The following TRIM34 variants were observed in gnomAD, a reference collection of about 807,000 sequenced individuals.
The protein encoded by TRIM34 is tripartite motif containing 34, also known as E3 ubiquitin-protein ligase TRIM34.
Under a neutral mutation model 38.1 loss-of-function variants are expected in TRIM34, and 41 were observed. That is an observed-to-expected ratio of 1.08 (90% CI 0.84 to 1.40). TRIM34 has a LOEUF of 1.40. TRIM34 is among the 40% of genes most tolerant of loss of function. The pLI is 0.00. For synonymous variants in TRIM34, 200 were observed against 202.5 expected, an observed-to-expected ratio of 0.99 and a Z score of 0.10; for missense variants, 556 against 571.4, an observed-to-expected ratio of 0.97 and a Z score of 0.27.
chr11:5,643,445 G>A lies in TRIM34; in HGVS notation c.1203G>A (p.Gly401=). The A allele has an allele frequency of 6.2e-7, 1 of 1,614,166 alleles. No individual in the cohort carries two copies. Among genetic ancestry groups the A allele is most frequent in the Non-Finnish European group, 8.5e-7 (1 of 1,180,024 alleles). The change falls in exon 8 of 8, where the codon GGG becomes GGA. Residue 401 remains glycine, a synonymous_variant. Coordinates refer to ENST00000429814, the MANE Select transcript of TRIM34 (RefSeq NM_021616.6). ...CTCTATTTGGCTACTGGGTTATAGG[G>A]TTACAGAATAAATGTAAGTATGGTG... is the stretch of plus-strand genomic sequence containing the variant. ...YRPLFGYWVI[G]LQNKCKYGVF... is the part of the protein sequence containing the mutation.
At chr11:5,635,837 G>A (rs965388347) in intron 4 of TRIM34, among the ~76,000 whole-genome samples, 13 of 151,934 alleles carry the variant, frequency 8.6e-5, no homozygotes, top group Non-Finnish European at 1.5e-4. Flanking sequence ...GTTCCTAAAC[G>A]TATTTTACAC....
At chr11:5,639,190 A>C (rs1849875885) in intron 4 of TRIM34, among the ~76,000 whole-genome samples, 1 of 152,182 alleles carries the variant, frequency 6.6e-6, no homozygotes, top group Non-Finnish European at 1.5e-5. Context: ...GTACTCACTC[A>C]GGCACCAGCT....
chr11:5,631,394 A>C (rs1849475809), intron 1 of TRIM34, among the ~76,000 whole-genome samples: 1 of 152,226 alleles, frequency 6.6e-6, no homozygotes, highest in African/African-American at 2.4e-5. Context: ...TGTTCACTCC[A>C]ATTCTACCAT....
upstream of TRIM34, among the ~76,000 whole-genome samples, chr11:5,621,687 G>A (rs144408118): frequency 2.8e-4 from 43 of 152,280 alleles, no homozygotes; most frequent in African/African-American, 1.0e-3. Context: ...GAACTGCTTA[G>A]GGCAAACCTG....
chr11:5,628,355 T>C (rs1454333201), intron 1 of TRIM34, among the ~76,000 whole-genome samples: 3 of 152,198 alleles, frequency 2.0e-5, no homozygotes, highest in African/African-American at 7.2e-5. Flanking sequence ...TAAACAGGGG[T>C]GAATATTATC....
In TRIM34 at chr11:5,634,524, C is replaced by T. The variant is rs541343623; in HGVS notation, c.520-107C>T. The T allele has an allele frequency of 2.8e-3, 1,901 of 676,552 alleles. 48 individuals are homozygous for T. The African/African-American group carries it at 0.04, about 14-fold the overall frequency. The allele number at this position is 676,552 out of a possible 1,614,324, so 41.9% of individuals were successfully genotyped here. On this transcript the variant is annotated intron_variant, in intron 3 of 7. Transcript: ENST00000429814. ...ACACACACACACACACACACACACA[C>T]ACACACATATATATATATATATATT...
intron 4 of TRIM34, among the ~76,000 whole-genome samples, chr11:5,640,566 T>C (rs1389603691): frequency 6.6e-6 from 1 of 152,164 alleles, no homozygotes; most frequent in African/African-American, 2.4e-5. Flanking sequence ...ATTTTGTATT[T>C]ATATTTATAA....
chr11:5,622,737 A>G (rs1849037357), upstream of TRIM34, among the ~76,000 whole-genome samples: 1 of 152,226 alleles, frequency 6.6e-6, no homozygotes. Flanking sequence ...ACACATCTCA[A>G]CACATGCTTT....
intron 1 of TRIM34, among the ~76,000 whole-genome samples, chr11:5,631,722 A>G (rs1849488799): frequency 6.6e-6 from 1 of 152,196 alleles, no homozygotes; most frequent in Non-Finnish European, 1.5e-5. Flanking sequence ...TAATGAAACA[A>G]TGATAAAGTT....
chr11:5,623,691 T>C (rs1849085040), upstream of TRIM34, among the ~76,000 whole-genome samples: 2 of 152,228 alleles, frequency 1.3e-5, no homozygotes, highest in Middle Eastern at 6.8e-3. Context: ...TATAATACTT[T>C]TAATTTCAAA....
At chr11:5,642,539 G>C in intron 6 of TRIM34, 33 bp downstream of exon 6, 3 of 1,608,920 alleles carry the variant, frequency 1.9e-6, no homozygotes, top group Non-Finnish European at 2.5e-6. Flanking sequence ...TGTGGATGTG[G>C]GATTGTTGTG....
intron 4 of TRIM34, among the ~76,000 whole-genome samples, chr11:5,640,329 G>GT (rs141087970): frequency 0.041 from 6,188 of 151,326 alleles, 400 homozygotes; most frequent in African/African-American, 0.14. Flanking sequence ...GTTTTGTTTT[G>GT]TTTTTTTTAT....
upstream of TRIM34, among the ~76,000 whole-genome samples, chr11:5,623,311 G>GCTATTATA (rs1849061479): frequency 1.3e-5 from 2 of 151,464 alleles, no homozygotes. Context: ...GTATTAGGTT[G>GCTATTATA]GTACAAAAGT....
upstream of TRIM34, chr11:5,620,065 T>A (rs1351230587): frequency 1.3e-5 from 2 of 151,806 alleles, no homozygotes; most frequent in African/African-American, 4.8e-5. Context: ...TACCTGTCTC[T>A]ACATTTTGGG....
intron 4 of TRIM34, among the ~76,000 whole-genome samples, chr11:5,637,283 G>A (rs1278980415): frequency 2.0e-5 from 3 of 152,152 alleles, no homozygotes; most frequent in South Asian, 2.1e-4. Context: ...GATGGCGATC[G>A]GGATGGATGG....
rs1307332410 is a variant in TRIM34 at position 5,632,310 on chromosome 11, A to G, written c.-22A>G. 6.2e-7 allele frequency: 1 copy of G among 1,614,098 alleles called. No homozygotes were observed. The highest frequency in any genetic ancestry group is 1.1e-5 in the South Asian group (1 of 91,074). Reference sequence around the variant, plus strand: ...GGAGAGCCTCAGGAGTTAGGACCAGAAGAAGCCAGGGAAGCAGTGCAATGG... The same window carrying G: ...GGAGAGCCTCAGGAGTTAGGACCAGGAGAAGCCAGGGAAGCAGTGCAATGG... On this transcript the variant is annotated 5_prime_UTR_variant, in exon 2 of 8. Transcript: ENST00000429814.
At chr11:5,638,998 A>G (rs1849867388) in intron 4 of TRIM34, among the ~76,000 whole-genome samples, 1 of 152,194 alleles carries the variant, frequency 6.6e-6, no homozygotes, top group East Asian at 1.9e-4. Flanking sequence ...ATCTATATCT[A>G]TCTTTAACTA....
At chr11:5,633,525 C>A (rs956135041) in intron 2 of TRIM34, among the ~76,000 whole-genome samples, 2 of 152,140 alleles carry the variant, frequency 1.3e-5, no homozygotes, top group African/African-American at 2.4e-5. Context: ...GAGGAAAGAG[C>A]ATTGATAAGA....
rs1190131551 is a variant in TRIM34, at chr11:5,643,314, A to G, written c.1072A>G (p.Lys358Glu). ...KHYWEVDVSK[K>E]TAWILGVYCR... ...TTACTGGGAAGTGGACGTGTCCAAG[A>G]AAACTGCCTGGATCCTGGGGGTATA... Residue 358 changes from lysine (K) to glutamate (E), a missense_variant, in exon 8 of 8, where the codon AAA (lysine) becomes GAA (glutamate). Lys to Glu is a moderately conservative substitution (Grantham distance 56, BLOSUM62 1). Coordinates refer to ENST00000429814, the MANE Select transcript of TRIM34 (RefSeq NM_021616.6). The G allele has an allele frequency of 6.2e-7, 1 of 1,614,086 alleles. No individual in the cohort carries two copies. The highest frequency in any genetic ancestry group is 1.1e-5 in the South Asian group (1 of 91,062).
Sources: gnomAD v4.1 joint callset for allele counts (sites outside exome capture counted in the v4.1 genomes callset) on GRCh38, gnomAD v4.1.1 for gene constraint, MANE v1.5 for transcripts, NCBI Gene and HGNC (gene_info 2026-07-23, HGNC 2026-07-21) for gene names.